SPHKAP: variants seen among roughly 807,000 people sequenced by gnomAD.
The protein encoded by SPHKAP is A-kinase anchor protein SPHKAP.
In SPHKAP, 67 loss-of-function variants were observed where a neutral mutation model predicts 137.5. That is an observed-to-expected ratio of 0.49 (90% CI 0.40 to 0.60). The LOEUF (loss-of-function observed/expected upper bound fraction) is 0.60. Ranked by LOEUF, SPHKAP falls within the 20% of genes least tolerant of loss-of-function variation. SPHKAP has a pLI of 0.00. For missense variants in SPHKAP, 2,097 were observed against 2,069.3 expected (o/e 1.01, Z -0.26); for synonymous variants, 813 against 785.3 (o/e 1.04, Z -0.59).
At chr2:228,022,219 T>G in intron 5 of SPHKAP, 1 of 985,194 alleles carries the variant, frequency 1.0e-6, no homozygotes, top group Non-Finnish European at 1.2e-6. Context: ...TAATTTCCCT[T>G]GGTCAAAGCA....
chr2:228,132,297 G>A (rs952159971), intron 1 of SPHKAP, among the ~76,000 whole-genome samples: 2 of 152,158 alleles, frequency 1.3e-5, no homozygotes, highest in African/African-American at 2.4e-5. Context: ...CTGTGACCAT[G>A]AAAGTACAGC....
intron 3 of SPHKAP, among the ~76,000 whole-genome samples, chr2:228,036,543 A>G (rs1434272573): frequency 6.6e-6 from 1 of 152,188 alleles, no homozygotes; most frequent in Admixed American, 6.6e-5. Context: ...GTATATACCC[A>G]AAGGATTATA....
intron 2 of SPHKAP, among the ~76,000 whole-genome samples, chr2:228,127,052 G>A (rs1699098434): frequency 6.6e-6 from 1 of 152,148 alleles, no homozygotes; most frequent in South Asian, 2.1e-4. Context: ...AAGATGACAC[G>A]ATTACATGAA....
At chr2:228,080,602 G>A (rs1355717817) in intron 3 of SPHKAP, among the ~76,000 whole-genome samples, 2 of 152,082 alleles carry the variant, frequency 1.3e-5, no homozygotes, top group African/African-American at 2.4e-5. Flanking sequence ...AGCTACTCAG[G>A]AGGCTGAGGC....
intron 1 of SPHKAP, among the ~76,000 whole-genome samples, chr2:228,156,310 C>T (rs1700105979): frequency 2.0e-5 from 3 of 152,244 alleles, no homozygotes; most frequent in African/African-American, 7.2e-5. Flanking sequence ...AAGTTTATTG[C>T]TTTAAGCAAA....
Position 228,062,088 on chromosome 2 carries a change from GAAAACCCA to G in SPHKAP, c.247-34553_247-34546del, listed in dbSNP as rs1174439072. On this transcript the variant is annotated intron_variant, in intron 3 of 11. Transcript: ENST00000392056. ...AAAGAAACCCAGATTTTTGGCTCAA[GAAAACCCA>G]AAAACCCAAAAACTGGGGACAATGA... Among the ~76,000 whole-genome samples the G allele has an allele frequency of 9.9e-5, 15 of 151,224 alleles. No individual in the cohort carries two copies. In the East Asian group the frequency reaches 1.9e-3, roughly 20 times the overall value.
At chr2:228,050,375 T>G (rs1696212061) in intron 3 of SPHKAP, among the ~76,000 whole-genome samples, 1 of 152,208 alleles carries the variant, frequency 6.6e-6, no homozygotes. Flanking sequence ...CAAAGACACA[T>G]GCACTTGAAT....
intron 1 of SPHKAP, among the ~76,000 whole-genome samples, chr2:228,156,300 A>G (rs1464644721): frequency 6.6e-6 from 1 of 152,196 alleles, no homozygotes; most frequent in Non-Finnish European, 1.5e-5. Flanking sequence ...AGATGGAATG[A>G]AGTTTATTGC....
intron 7 of SPHKAP, among the ~76,000 whole-genome samples, chr2:228,015,089 G>A (rs1694523844): frequency 1.1e-5 from 1 of 89,874 alleles, no homozygotes; most frequent in Non-Finnish European, 2.1e-5. Context: ...CCCCACAACA[G>A]TCCCCAGAGT....
chr2:228,047,796 G>A (rs1176135750), intron 3 of SPHKAP, among the ~76,000 whole-genome samples: 1 of 152,148 alleles, frequency 6.6e-6, no homozygotes, highest in Non-Finnish European at 1.5e-5. Context: ...AGCTGTAAAT[G>A]AAGACAGACT....
At chr2:228,158,672 T>A (rs1158877479) in intron 1 of SPHKAP, among the ~76,000 whole-genome samples, 2 of 152,204 alleles carry the variant, frequency 1.3e-5, no homozygotes. Context: ...CAGTCTAGAT[T>A]TATATTCTCA....
At chr2:228,105,486 A>G (rs1269762470) in intron 3 of SPHKAP, among the ~76,000 whole-genome samples, 1 of 152,248 alleles carries the variant, frequency 6.6e-6, no homozygotes, top group Non-Finnish European at 1.5e-5. Flanking sequence ...AGCAAATTAG[A>G]AAAAGAAATA....
At chr2:228,127,731 A>G (rs928938040) in intron 2 of SPHKAP, among the ~76,000 whole-genome samples, 3 of 152,142 alleles carry the variant, frequency 2.0e-5, no homozygotes, top group African/African-American at 4.8e-5. Context: ...AATGAAAACA[A>G]TATCTGTTTT....
Position 228,181,670 on chromosome 2 carries a change from C to T in SPHKAP, c.-72G>A. On this transcript the variant is annotated 5_prime_UTR_variant, in exon 1 of 12. Coordinates refer to ENST00000392056, the MANE Select transcript of SPHKAP (RefSeq NM_001142644.2). This position sits in a 1 kb window ranked among gnomAD's most constrained non-coding sequence, Gnocchi z 4.3. ...ATAAGTCTGTGGTGCTAGGACCCAGCTCCCAGAGTGCCAGACTGGCGCGCG... is the reference window on the plus strand; with the variant it reads ...ATAAGTCTGTGGTGCTAGGACCCAGTTCCCAGAGTGCCAGACTGGCGCGCG... The T allele has an allele frequency of 6.2e-7, 1 of 1,613,854 alleles. No individual in the cohort carries two copies. The highest frequency in any genetic ancestry group is 8.5e-7 in the Non-Finnish European group (1 of 1,179,844).
intron 2 of SPHKAP, among the ~76,000 whole-genome samples, chr2:228,125,371 C>G (rs912659717): frequency 1.8e-4 from 28 of 152,262 alleles, no homozygotes; most frequent in African/African-American, 6.7e-4. Context: ...TTTTAAATTT[C>G]ATTTAAATAA....
chr2:228,056,253 C>T (rs1052034398), intron 3 of SPHKAP, among the ~76,000 whole-genome samples: 8 of 152,196 alleles, frequency 5.3e-5, no homozygotes, highest in South Asian at 4.1e-4. Context: ...CATGGTCTGT[C>T]GCTATGTGCC....
chr2:228,052,880 T>C (rs985007670), intron 3 of SPHKAP, among the ~76,000 whole-genome samples: 2 of 152,204 alleles, frequency 1.3e-5, no homozygotes, highest in African/African-American at 4.8e-5. Flanking sequence ...TGTTAACTAA[T>C]GGATTTCTCT....
intron 1 of SPHKAP, among the ~76,000 whole-genome samples, chr2:228,153,558 G>A (rs1464768825): frequency 6.6e-6 from 1 of 152,062 alleles, no homozygotes; most frequent in Admixed American, 6.6e-5. Context: ...GAATTCCATT[G>A]TTGCTTTTGT....
chr2:227,991,094 G>A lies in SPHKAP; in HGVS notation c.4865C>T (p.Ala1622Val). 3 of 1,614,100 alleles carry A rather than the reference G, an allele frequency of 1.9e-6. No individual in the cohort carries two copies. Among genetic ancestry groups the A allele is most frequent in the Non-Finnish European group, 2.5e-6 (3 of 1,180,008 alleles). ...NFDLEPECPDAELRATLQWIA... is the reference protein window; with the variant it reads ...NFDLEPECPDVELRATLQWIA... Reference sequence around the variant, plus strand: ...CCACTGCAGAGTGGCTCGGAGCTCGGCATCTGGACACTCTGGCTCCAGGTC... The same window carrying A: ...CCACTGCAGAGTGGCTCGGAGCTCGACATCTGGACACTCTGGCTCCAGGTC... The change falls in exon 11 of 12, where the codon GCC becomes GTC. Residue 1622 changes from alanine to valine, a missense_variant. Physicochemically the swap from Ala to Val is moderately conservative, Grantham distance 64. Transcript: ENST00000392056.
Sources: allele counts gnomAD v4.1 joint callset (sites outside exome capture counted in the v4.1 genomes callset), GRCh38; gene constraint gnomAD v4.1.1; non-coding constraint Gnocchi (gnomAD v3.1); transcripts MANE v1.5; gene names NCBI Gene and HGNC (gene_info 2026-07-23, HGNC 2026-07-21).